CCDC92B: variants seen among roughly 807,000 people sequenced by gnomAD.
The protein encoded by CCDC92B is coiled-coil domain containing 92B, also known as coiled-coil domain-containing 92B.
Under a neutral mutation model 5.6 loss-of-function variants are expected in CCDC92B, and 2 were observed. The observed-to-expected ratio is 0.36, with a 90% CI of 0.15 to 1.12. CCDC92B has a LOEUF of 1.12. Among genes scored for constraint, CCDC92B ranks in the 50% most tolerant of loss-of-function variants. The probability of loss-of-function intolerance (pLI) is 0.40; values close to 1 mark genes in which losing one functional copy is unlikely to be tolerated. For synonymous variants in CCDC92B, 115 were observed against 122.3 expected (o/e 0.94, Z 0.39); for missense variants, 271 against 262.2 (o/e 1.03, Z -0.23).
At chr17:2,737,465 CTTTTTTTTTT>C (rs34254249) in intron 1 of CCDC92B, among the ~76,000 whole-genome samples, 201 of 60,362 alleles carry the variant, frequency 3.3e-3, no homozygotes, top group African/African-American at 0.014. Flanking sequence ...ATAGGCCTTT[CTTTTTTTTTT>C]TTTTTTTTTT....
At chr17:2,725,199 C>T (rs889698613) in intron 3 of CCDC92B, among the ~76,000 whole-genome samples, 199 bp from the exon 4 acceptor site, 1 of 151,902 alleles carries the variant, frequency 6.6e-6, no homozygotes, top group Non-Finnish European at 1.5e-5. Flanking sequence ...CATGGTGAAA[C>T]CCAGTCTCTA....
intron 1 of CCDC92B, among the ~76,000 whole-genome samples, chr17:2,746,637 C>A (rs1293751498): frequency 1.3e-5 from 2 of 152,078 alleles, no homozygotes; most frequent in Non-Finnish European, 2.9e-5. Context: ...TTACAACTGA[C>A]TTGGCAAGTG....
rs2070696265 is a variant in CCDC92B at position 2,724,251 on chromosome 17, G to A, written c.*160C>T. ...TTTGGAAACGTCGGGAAGTACAAAA[G>A]GCTGGCGGTTCGGGGATTTGGGGGG... On this transcript the variant is annotated 3_prime_UTR_variant, in exon 4 of 4. Transcript: ENST00000614400. This position sits in a 1 kb window ranked among gnomAD's most constrained non-coding sequence, Gnocchi z 5.0. 1 of 985,266 alleles carries A rather than the reference G, an allele frequency of 1.0e-6. No individual in the cohort carries two copies. The highest frequency in any genetic ancestry group is 1.1e-4 in the East Asian group (1 of 8,806). The allele number at this position is 985,266 out of a possible 1,614,324, so 61.0% of individuals were successfully genotyped here.
At chr17:2,749,109 G>T (rs970482747) in intron 1 of CCDC92B, among the ~76,000 whole-genome samples, 1 of 152,204 alleles carries the variant, frequency 6.6e-6, no homozygotes, top group Non-Finnish European at 1.5e-5. Flanking sequence ...TAAGGAGGAC[G>T]GGGAAGCGAG....
intron 1 of CCDC92B, among the ~76,000 whole-genome samples, chr17:2,741,856 T>C (rs1402284750): frequency 6.6e-6 from 1 of 150,558 alleles, no homozygotes; most frequent in Non-Finnish European, 1.5e-5. Context: ...CCTCCCAAAG[T>C]ACTGGGATCA....
At chr17:2,734,935 G>C (rs2070840890) in intron 2 of CCDC92B, 81 bp downstream of exon 2, 1 of 960,938 alleles carries the variant, frequency 1.0e-6, no homozygotes, top group South Asian at 4.8e-5. Context: ...GGGGGCTGTT[G>C]GTGGGCACAA....
intron 1 of CCDC92B, chr17:2,748,476 T>A: frequency 1.0e-6 from 1 of 953,032 alleles, no homozygotes; most frequent in Non-Finnish European, 1.2e-6. Context: ...GCACCTGGCT[T>A]CCGTGCAAAG....
In CCDC92B at chr17:2,724,773, C is replaced by T. The variant is rs1168193063; in HGVS notation, c.406G>A (p.Ala136Thr). 1 of 983,748 alleles carries T rather than the reference C, an allele frequency of 1.0e-6. No homozygotes were observed. The highest frequency in any genetic ancestry group is 1.2e-4 in the East Asian group (1 of 8,658). The allele number at this position is 983,748 out of a possible 1,614,324, so 60.9% of individuals were successfully genotyped here. Residue 136 changes from alanine (A) to threonine (T), a missense_variant, in exon 4 of 4, where the codon GCG becomes ACG. Transcript: ENST00000614400. The surrounding 1 kb of genome is among the most constrained non-coding windows in gnomAD (Gnocchi z 5.0). ...AGCTGGCAGGAGAGGTAGGCGGCCG[C>T]CTCGGTGTGCTTCTGCAGCTCGGTG... ...LGTELQKHTE[A>T]AAYLSCQLHA...
At chr17:2,740,063 G>C (rs1004817118) in intron 1 of CCDC92B, among the ~76,000 whole-genome samples, 1 of 152,100 alleles carries the variant, frequency 6.6e-6, no homozygotes, top group South Asian at 2.1e-4. Flanking sequence ...TAATGTGAAA[G>C]AATAAAGAGG....
At chr17:2,741,795 T>C (rs1037376170) in intron 1 of CCDC92B, among the ~76,000 whole-genome samples, 1 of 151,076 alleles carries the variant, frequency 6.6e-6, no homozygotes, top group African/African-American at 2.4e-5. Context: ...AGTTTCACCG[T>C]GTTAGCCAGG....
At chr17:2,745,066 CAAAA>C (rs60179555) in intron 1 of CCDC92B, among the ~76,000 whole-genome samples, 1,907 of 79,338 alleles carry the variant, frequency 0.024, 51 homozygotes, top group African/African-American at 0.083. Flanking sequence ...GACCCTGTCT[CAAAA>C]AAAAAAAAAA....
chr17:2,730,770 T>C (rs997781181), intron 2 of CCDC92B, among the ~76,000 whole-genome samples: 2 of 152,026 alleles, frequency 1.3e-5, no homozygotes, highest in Non-Finnish European at 1.5e-5. Context: ...GGGTTCGGAG[T>C]TTAGTTCACC....
At chr17:2,733,743 G>GTTTT (rs1567614345) in intron 2 of CCDC92B, among the ~76,000 whole-genome samples, 11 of 81,572 alleles carry the variant, frequency 1.3e-4, no homozygotes, top group African/African-American at 4.7e-4. Context: ...AGGACCACTG[G>GTTTT]CTTTTTTTTT....
chr17:2,731,056 C>A (rs891629097), intron 2 of CCDC92B, among the ~76,000 whole-genome samples: 7 of 152,236 alleles, frequency 4.6e-5, no homozygotes, highest in Non-Finnish European at 5.9e-5. Context: ...AACATCAGCG[C>A]TGCCCCTTCC....
chr17:2,746,714 A>T (rs2070991043), intron 1 of CCDC92B, among the ~76,000 whole-genome samples: 1 of 152,158 alleles, frequency 6.6e-6, no homozygotes. Flanking sequence ...TCTGTCGCCC[A>T]GGCTGGAGTG....
rs544249303 is a variant in CCDC92B, at chr17:2,727,577, G to A, written c.179-2577C>T. Among the ~76,000 whole-genome samples the A allele has an allele frequency of 2.7e-4, 41 of 152,366 alleles. No homozygotes were observed. In the East Asian group the frequency reaches 6.2e-3, roughly 23 times the overall value. On this transcript the variant is annotated intron_variant, in intron 3 of 3. Coordinates refer to ENST00000614400, the MANE Select transcript of CCDC92B (RefSeq NM_001355573.2). The stretch of plus-strand genomic sequence containing the variant: ...GCAGTGGCTCACGCCTGTAATCCCA[G>A]CACTTTGGGAGGCCAAGGTGGGCGG...
intron 1 of CCDC92B, among the ~76,000 whole-genome samples, chr17:2,738,145 T>C (rs2151742988): frequency 6.6e-6 from 1 of 151,912 alleles, no homozygotes; most frequent in East Asian, 1.9e-4. Flanking sequence ...GCTCAAGCAA[T>C]CCTTCCACCT....
At chr17:2,744,706 TA>T (rs1244318762) in intron 1 of CCDC92B, among the ~76,000 whole-genome samples, 1 of 152,094 alleles carries the variant, frequency 6.6e-6, no homozygotes, top group Non-Finnish European at 1.5e-5. Context: ...TGCCATGTGT[TA>T]GGGGTGATAT....
chr17:2,729,064 G>T (rs1235247667), intron 3 of CCDC92B, among the ~76,000 whole-genome samples: 1 of 152,098 alleles, frequency 6.6e-6, no homozygotes, highest in Non-Finnish European at 1.5e-5. Flanking sequence ...TAGGGACAGA[G>T]TCTTACTATT....
Sources: gnomAD v4.1 joint callset for allele counts (sites outside exome capture counted in the v4.1 genomes callset) on GRCh38, gnomAD v4.1.1 for gene constraint, Gnocchi (gnomAD v3.1) non-coding constraint, MANE v1.5 for transcripts, NCBI Gene and HGNC (gene_info 2026-07-23, HGNC 2026-07-21) for gene names.